The following SMYD1 variants were observed in gnomAD, a reference collection of about 807,000 sequenced individuals.
SMYD1 encodes the protein histone-lysine N-methyltransferase SMYD1.
Under a neutral mutation model 54.0 loss-of-function variants are expected in SMYD1, and 49 were observed. That is an observed-to-expected ratio of 0.91 (90% confidence interval 0.72 to 1.15). The LOEUF (loss-of-function observed/expected upper bound fraction) is 1.15. Ranked by LOEUF, SMYD1 falls within the 50% of genes most tolerant of loss-of-function variation. The pLI, the probability that SMYD1 is intolerant of heterozygous loss-of-function variation, is 0.00. For synonymous variants in SMYD1, 269 were observed against 234.2 expected (o/e 1.15, Z -1.36); for missense variants, 653 against 639.6 (o/e 1.02, Z -0.23).
intron 8 of SMYD1, 34 bp downstream of exon 8, chr2:88,106,522 T>C (rs368248426): frequency 1.7e-4 from 270 of 1,596,670 alleles, no homozygotes; most frequent in Middle Eastern, 1.2e-3. Context: ...GATAGTCTCC[T>C]GGAAGTGTGT....
chr2:88,077,283 GAGC>G, intron 1 of SMYD1, among the ~76,000 whole-genome samples: 1 of 152,372 alleles, frequency 6.6e-6, no homozygotes, highest in Admixed American at 6.5e-5. Flanking sequence ...CAGGGCTGCA[GAGC>G]AGAGTGAGAG....
intron 5 of SMYD1, 78 bp from the exon 6 acceptor site, chr2:88,096,517 C>G (rs922320081): frequency 7.7e-7 from 1 of 1,300,954 alleles, no homozygotes; most frequent in African/African-American, 1.5e-5. Context: ...AGACCCAACT[C>G]CATGAAGCCT....
chr2:88,069,435 G>GTGTGTA (rs1228200921), intron 1 of SMYD1, among the ~76,000 whole-genome samples: 1 of 152,194 alleles, frequency 6.6e-6, no homozygotes, highest in African/African-American at 2.4e-5. Flanking sequence ...TAATCTGTGT[G>GTGTGTA]TGTGTATGTG....
chr2:88,098,899 C>A lies in SMYD1; in HGVS notation c.888+2115C>A, dbSNP rs1385380904. Among the ~76,000 whole-genome samples the A allele has an allele frequency of 3.3e-5, 5 of 152,276 alleles. No homozygotes were observed. The East Asian group carries it at 7.7e-4, about 23-fold the overall frequency. The stretch of plus-strand genomic sequence containing the variant: ...TACACCAGCCTCAAACCTTCAATTG[C>A]CATCAAAATCTTTCCTAGCTCCTTA... On this transcript the variant is annotated intron_variant, in intron 6 of 9. Transcript: ENST00000419482.
At position 88,091,126 on chromosome 2, in the gene SMYD1, A is replaced by T; in HGVS notation, c.643A>T (p.Ile215Leu). Residue 215 changes from isoleucine to leucine, a missense_variant, in exon 4 of 10, where the codon ATA (isoleucine) becomes TTA (leucine). Coordinates refer to ENST00000419482, the MANE Select transcript of SMYD1 (RefSeq NM_198274.4). ...TGACTGTTGGCCCAACTGTACTGTC[A>T]TATTTAACAATGGCAAGTGAGTATG... ...NHDCWPNCTV[I>L]FNNGNHEAVK... 1 of 1,614,068 alleles carries T rather than the reference A, an allele frequency of 6.2e-7. No homozygotes were observed.
intron 3 of SMYD1, among the ~76,000 whole-genome samples, chr2:88,090,468 A>C (rs1233161215): frequency 1.3e-5 from 2 of 152,348 alleles, no homozygotes; most frequent in Non-Finnish European, 2.9e-5. Context: ...CTTGAATCTC[A>C]GAGATAAGTG....
chr2:88,104,120 C>T (rs1409398809), intron 7 of SMYD1, among the ~76,000 whole-genome samples: 1 of 152,106 alleles, frequency 6.6e-6, no homozygotes, highest in Non-Finnish European at 1.5e-5. Context: ...GTGCCCGCCA[C>T]CACGCCTGGC....
chr2:88,069,779 G>A (rs1673906611), intron 1 of SMYD1, among the ~76,000 whole-genome samples: 1 of 152,152 alleles, frequency 6.6e-6, no homozygotes, highest in Non-Finnish European at 1.5e-5. Flanking sequence ...TTAAAACATA[G>A]GTTTCATTTG....
At chr2:88,073,335 T>C (rs1673990204) in intron 1 of SMYD1, among the ~76,000 whole-genome samples, 1 of 152,226 alleles carries the variant, frequency 6.6e-6, no homozygotes, top group Admixed American at 6.5e-5. Context: ...GTTGTTTCCA[T>C]GTCCTTGCTA....
rs201630967 is a variant in SMYD1, at chr2:88,067,976, G to C, written c.112G>C (p.Ala38Pro). ...WAADIIFAER[A>P]YSAVVFDSLV... Reference sequence around the variant, plus strand: ...TGCAGATATCATCTTTGCTGAGCGGGCTTATTCCGCAGTGGTTTTTGACAG... The same window carrying C: ...TGCAGATATCATCTTTGCTGAGCGGCCTTATTCCGCAGTGGTTTTTGACAG... The change falls in exon 1 of 10, where the codon GCT becomes CCT. Residue 38 changes from alanine (A) to proline (P), a missense_variant. Physicochemically the swap from Ala to Pro is conservative, Grantham distance 27. Coordinates refer to ENST00000419482, the MANE Select transcript of SMYD1 (RefSeq NM_198274.4). The C allele has an allele frequency of 2.5e-6, 4 of 1,613,566 alleles. No individual in the cohort carries two copies. Among genetic ancestry groups the C allele is most frequent in the African/African-American group, 1.3e-5 (1 of 74,900 alleles).
intron 6 of SMYD1, among the ~76,000 whole-genome samples, chr2:88,099,449 G>T (rs531033440): frequency 1.3e-5 from 2 of 152,268 alleles, no homozygotes; most frequent in African/African-American, 4.8e-5. Context: ...GCCAGGTCGG[G>T]TGCGGTGGCT....
At position 88,094,674 on chromosome 2, in the gene SMYD1, G is replaced by C. The variant is rs554708816; in HGVS notation, c.698+1119G>C. Among the ~76,000 whole-genome samples, 10 of 152,282 alleles carry C rather than the reference G, an allele frequency of 6.6e-5. No individual in the cohort carries two copies. In the South Asian group the frequency reaches 2.1e-3, roughly 32 times the overall value. ...GTTTTGAAAAATTTCTAATACCATT[G>C]AAATAATCAGACACCCTGAGACCGT... On this transcript the variant is annotated intron_variant, in intron 5 of 9. Transcript: ENST00000419482.
Position 88,087,862 on chromosome 2 carries a change from G to A in SMYD1, c.315G>A (p.Arg105=). Residue 105 remains arginine (R), a splice_region_variant and synonymous_variant, in exon 3 of 10, where the codon AGG becomes AGA. Coordinates refer to ENST00000419482, the MANE Select transcript of SMYD1 (RefSeq NM_198274.4). The stretch of plus-strand genomic sequence containing the variant: ...CCTCCTGACGCTGCCCTTCCCACAG[G>A]CTGGCGGCGCGCATCATGTGGCGGG... ...RYGKVPNENI[R]LAARIMWRVE... The A allele has an allele frequency of 6.4e-7, 1 of 1,573,122 alleles. No homozygotes were observed. Among genetic ancestry groups the A allele is most frequent in the Non-Finnish European group, 8.6e-7 (1 of 1,158,818 alleles).
intron 1 of SMYD1, among the ~76,000 whole-genome samples, chr2:88,068,423 T>C (rs191077786): frequency 1.1e-3 from 165 of 152,338 alleles, no homozygotes; most frequent in African/African-American, 3.8e-3. Context: ...TTTGTATATT[T>C]ATAATTATGA....
intron 1 of SMYD1, among the ~76,000 whole-genome samples, chr2:88,074,717 T>G (rs986539876): frequency 4.6e-5 from 7 of 152,324 alleles, no homozygotes; most frequent in Non-Finnish European, 8.8e-5. Flanking sequence ...GTTACAAAGT[T>G]GAAAGTGACC....
intron 6 of SMYD1, among the ~76,000 whole-genome samples, chr2:88,098,404 A>G (rs1674650210): frequency 6.6e-6 from 1 of 152,160 alleles, no homozygotes; most frequent in African/African-American, 2.4e-5. Flanking sequence ...ACACATCTCC[A>G]GTATGAATTG....
chr2:88,090,882 C>T, intron 3 of SMYD1, 130 bp from the exon 4 acceptor site: 1 of 1,005,006 alleles, frequency 1.0e-6, no homozygotes, highest in Non-Finnish European at 1.5e-6. Context: ...ACTAATTGTT[C>T]TGTGTCCAGA....
rs939577023 is a variant in SMYD1, at chr2:88,112,525, A to T, written c.*2013A>T. On this transcript the variant is annotated 3_prime_UTR_variant, in exon 10 of 10. Coordinates refer to ENST00000419482, the MANE Select transcript of SMYD1 (RefSeq NM_198274.4). ...TCACCCCACTGGCCTTCTCAGGTGCAATCAGTAAAAATGCTGAGAACTCTT... is the reference window on the plus strand; with the variant it reads ...TCACCCCACTGGCCTTCTCAGGTGCTATCAGTAAAAATGCTGAGAACTCTT... 14 of 202,508 alleles carry T rather than the reference A, an allele frequency of 6.9e-5. No individual in the cohort carries two copies. The highest frequency in any genetic ancestry group is 1.2e-4 in the Non-Finnish European group (12 of 99,172). 12.5% of individuals were successfully genotyped at this position (202,508 alleles called of 1,614,324 possible).
intron 4 of SMYD1, among the ~76,000 whole-genome samples, chr2:88,093,030 G>C (rs577541892): frequency 6.6e-6 from 1 of 152,310 alleles, no homozygotes; most frequent in South Asian, 2.1e-4. Flanking sequence ...CCCTAGACAT[G>C]GGGTTAGGGG....
Sources: allele counts gnomAD v4.1 joint callset (sites outside exome capture counted in the v4.1 genomes callset), GRCh38; gene constraint gnomAD v4.1.1; transcripts MANE v1.5; gene names NCBI Gene and HGNC (gene_info 2026-07-23, HGNC 2026-07-21).